Variants in SPECC1 observed in about 807,000 individuals in gnomAD.
The protein encoded by SPECC1 is sperm antigen with calponin homology and coiled-coil domains 1.
Under a neutral mutation model 104.1 loss-of-function variants are expected in SPECC1, and 62 were observed. That is an observed-to-expected ratio of 0.60 (90% confidence interval 0.49 to 0.74). The LOEUF (loss-of-function observed/expected upper bound fraction) is 0.74, where lower values mean the gene tolerates loss of function less well. SPECC1 is among the 30% of genes least tolerant of loss of function. The pLI, the probability that SPECC1 is intolerant of heterozygous loss-of-function variation, is 0.00. For synonymous variants in SPECC1, 513 were observed against 501.6 expected, an observed-to-expected ratio of 1.02 and a Z score of -0.30; for missense variants, 1,306 against 1,310.5, an observed-to-expected ratio of 1.00 and a Z score of 0.05.
chr17:20,098,432 G>C (rs1043102435), intron 2 of SPECC1, among the ~76,000 whole-genome samples: 1 of 152,174 alleles, frequency 6.6e-6, no homozygotes, highest in Non-Finnish European at 1.5e-5. Context: ...CCTGGTCCTT[G>C]GAACACCTGA....
At chr17:20,147,152 GGCTCC>G (rs1006493978) in intron 3 of SPECC1, among the ~76,000 whole-genome samples, 1 of 149,038 alleles carries the variant, frequency 6.7e-6, no homozygotes, top group Admixed American at 6.7e-5. Context: ...GCTCACCGCA[GGCTCC>G]GCCTCCTGGG....
At chr17:20,242,709 C>T (rs190281467) in intron 7 of SPECC1, among the ~76,000 whole-genome samples, 77 of 152,208 alleles carry the variant, frequency 5.1e-4, no homozygotes, top group Admixed American at 3.5e-3. Context: ...TTGAGAAATG[C>T]GTGGCCAGAG....
At chr17:20,270,142 G>A (rs1276952505) in intron 12 of SPECC1, among the ~76,000 whole-genome samples, 1 of 152,092 alleles carries the variant, frequency 6.6e-6, no homozygotes, top group Non-Finnish European at 1.5e-5. Context: ...TGCTTAGTGG[G>A]TACAGGGTTT....
chr17:20,306,491 G>A (rs1007960993), intron 14 of SPECC1, among the ~76,000 whole-genome samples: 4 of 152,256 alleles, frequency 2.6e-5, no homozygotes, highest in Non-Finnish European at 4.4e-5. Flanking sequence ...AAACTCGGCA[G>A]GGGTGGGTGG....
chr17:20,242,568 A>G (rs572009439), intron 7 of SPECC1, among the ~76,000 whole-genome samples: 23 of 152,260 alleles, frequency 1.5e-4, no homozygotes, highest in Non-Finnish European at 3.2e-4. Context: ...AGATTATTGT[A>G]TAAAGATAGG....
At chr17:20,206,483 T>C (rs2036788825) in intron 4 of SPECC1, among the ~76,000 whole-genome samples, 1 of 152,246 alleles carries the variant, frequency 6.6e-6, no homozygotes, top group Non-Finnish European at 1.5e-5. Flanking sequence ...TTATTAACTT[T>C]TTTTGCATTT....
intron 1 of SPECC1, among the ~76,000 whole-genome samples, chr17:20,084,829 G>A (rs1319232827): frequency 1.3e-5 from 2 of 152,130 alleles, no homozygotes; most frequent in African/African-American, 4.8e-5. Context: ...TGGAACCACA[G>A]AGGAATGAGA....
chr17:20,012,522 T>A, intron 1 of SPECC1, among the ~76,000 whole-genome samples: 1 of 151,162 alleles, frequency 6.6e-6, no homozygotes, highest in Non-Finnish European at 1.5e-5. Context: ...CTTATTTAAT[T>A]TTTTTTTTGT....
At chr17:20,185,782 A>G (rs1321811343) in intron 3 of SPECC1, among the ~76,000 whole-genome samples, 3 of 152,126 alleles carry the variant, frequency 2.0e-5, no homozygotes, top group Non-Finnish European at 2.9e-5. Context: ...AACCAGAAGC[A>G]TTTGTCTAGT....
Position 20,205,645 on chromosome 17 carries a change from G to A in SPECC1, c.1596G>A (p.Met532Ile), listed in dbSNP as rs370723135. 10 of 1,614,072 alleles carry A rather than the reference G, an allele frequency of 6.2e-6. No individual in the cohort carries two copies. Among genetic ancestry groups the A allele is most frequent in the Non-Finnish European group, 8.5e-6 (10 of 1,180,038 alleles). ...FLELERHNNNMMAKTLEECRV... is the reference protein window; with the variant it reads ...FLELERHNNNIMAKTLEECRV... The stretch of plus-strand genomic sequence containing the variant: ...AACTGGAACGGCATAATAATAACAT[G>A]ATGGCCAAAACTTTGGAAGAGTGTA... Residue 532 changes from methionine (M) to isoleucine (I), a missense_variant, in exon 4 of 15, where the codon ATG (methionine) becomes ATA (isoleucine). Around this residue, in one of 2 missense-constraint regions of SPECC1, gnomAD observed 1,177 missense variants for 1,139.9 expected, o/e 1.03. Transcript: ENST00000395527.
intron 3 of SPECC1, among the ~76,000 whole-genome samples, chr17:20,163,674 C>T (rs1166521398): frequency 6.6e-6 from 1 of 151,664 alleles, no homozygotes; most frequent in Non-Finnish European, 1.5e-5. Flanking sequence ...GGTCCTCTCA[C>T]TGCAGCCTCC....
chr17:20,058,732 T>G (rs1166315866), intron 1 of SPECC1, among the ~76,000 whole-genome samples: 1 of 152,060 alleles, frequency 6.6e-6, no homozygotes, highest in Non-Finnish European at 1.5e-5. Context: ...CCAACCTTTT[T>G]GGCACCAGGG....
chr17:20,234,851 G>C (rs1404094928), intron 7 of SPECC1, among the ~76,000 whole-genome samples: 1 of 152,230 alleles, frequency 6.6e-6, no homozygotes, highest in East Asian at 1.9e-4. Flanking sequence ...CTGGAACTCA[G>C]TAACTAAACA....
rs181485220 is a variant in SPECC1, at chr17:20,098,878, C to G, written c.147+2080C>G. Reference sequence around the variant, plus strand: ...AGGGACTGTATGCTTCTTTTTTGTACTCGGCTCTGTCCCTAGTGCTTAGAA... The same window carrying G: ...AGGGACTGTATGCTTCTTTTTTGTAGTCGGCTCTGTCCCTAGTGCTTAGAA... On this transcript the variant is annotated intron_variant, in intron 2 of 14. Coordinates refer to ENST00000395527, the MANE Select transcript of SPECC1 (RefSeq NM_001243439.2). 2.4e-3 allele frequency among the ~76,000 whole-genome samples: 363 copies of G among 152,282 alleles called. 1 individual carries two copies. Among genetic ancestry groups the G allele is most frequent in the African/African-American group, 8.4e-3 (351 of 41,566 alleles).
chr17:20,156,147 G>A, intron 3 of SPECC1: 1 of 1,429,332 alleles, frequency 7.0e-7, no homozygotes, highest in Non-Finnish European at 9.2e-7. Flanking sequence ...CGGCACGGTG[G>A]ACACCCGGTC....
intron 3 of SPECC1, among the ~76,000 whole-genome samples, chr17:20,152,562 G>C (rs1227589260): frequency 2.0e-5 from 3 of 152,240 alleles, no homozygotes; most frequent in Non-Finnish European, 4.4e-5. Context: ...GCTGGGTTCT[G>C]GTGAGGAGTC....
intron 1 of SPECC1, among the ~76,000 whole-genome samples, chr17:20,065,656 A>G (rs1169637194): frequency 1.3e-5 from 2 of 152,164 alleles, no homozygotes; most frequent in East Asian, 3.9e-4. Context: ...AGGCACCACA[A>G]CCATGTAGAA....
At chr17:20,207,426 T>G (rs998061332) in intron 4 of SPECC1, among the ~76,000 whole-genome samples, 1 of 152,224 alleles carries the variant, frequency 6.6e-6, no homozygotes, top group Non-Finnish European at 1.5e-5. Context: ...GGAGTAAGAT[T>G]ATTCTTTTTT....
At chr17:20,035,853 G>A (rs2045051173) in intron 1 of SPECC1, among the ~76,000 whole-genome samples, 1 of 150,988 alleles carries the variant, frequency 6.6e-6, no homozygotes, top group Non-Finnish European at 1.5e-5. Flanking sequence ...TTTTTTTTGA[G>A]ACGGAGTCTC....
Sources: gnomAD v4.1 joint callset for allele counts (sites outside exome capture counted in the v4.1 genomes callset) on GRCh38, gnomAD v4.1.1 for gene constraint, gnomAD v4.1.1 regional missense constraint, MANE v1.5 for transcripts, NCBI Gene and HGNC (gene_info 2026-07-23, HGNC 2026-07-21) for gene names.